The following MAP4K4 variants were observed in gnomAD, a reference collection of about 807,000 sequenced individuals.
The protein encoded by MAP4K4 is mitogen-activated protein kinase kinase kinase kinase 4.
Under a neutral mutation model 189.6 loss-of-function variants are expected in MAP4K4, and 38 were observed. That is an observed-to-expected ratio of 0.20 (90% CI 0.15 to 0.26). The LOEUF (loss-of-function observed/expected upper bound fraction) is 0.26. Among genes scored for constraint, MAP4K4 ranks in the 10% least tolerant of loss-of-function variants. MAP4K4 has a pLI of 1.00. For missense variants in MAP4K4, 1,054 were observed against 1,726.9 expected (o/e 0.61, Z 6.91); for synonymous variants, 610 against 624.3 (o/e 0.98, Z 0.34).
At chr2:101,758,981 A>C (rs996200571) in intron 2 of MAP4K4, among the ~76,000 whole-genome samples, 8 of 151,552 alleles carry the variant, frequency 5.3e-5, no homozygotes, top group African/African-American at 1.9e-4. Context: ...AAAATACAAA[A>C]AATTAGCCGG....
At chr2:101,830,518 T>C (rs1193984446) in intron 6 of MAP4K4, among the ~76,000 whole-genome samples, 2 of 152,260 alleles carry the variant, frequency 1.3e-5, no homozygotes, top group African/African-American at 4.8e-5. Context: ...TATATGGGTC[T>C]GGTCAACCTT....
intron 2 of MAP4K4, among the ~76,000 whole-genome samples, chr2:101,788,337 A>G (rs1425766278): frequency 6.6e-6 from 1 of 151,886 alleles, no homozygotes; most frequent in African/African-American, 2.4e-5. Context: ...GGCCTTATAG[A>G]CTCTCTGCAC....
At chr2:101,787,672 G>A (rs1302224303) in intron 2 of MAP4K4, among the ~76,000 whole-genome samples, 3 of 152,164 alleles carry the variant, frequency 2.0e-5, no homozygotes, top group African/African-American at 7.2e-5. Flanking sequence ...TTAACATTCA[G>A]TACAAGTACA....
intron 31 of MAP4K4, 36 bp from the exon 32 acceptor site, chr2:101,888,760 A>G: frequency 2.0e-6 from 3 of 1,519,502 alleles, no homozygotes; most frequent in Non-Finnish European, 1.8e-6. Context: ...CTGTTTCCTC[A>G]TCTTTAACGG....
chr2:101,705,537 T>A (rs1248435544), intron 2 of MAP4K4, among the ~76,000 whole-genome samples: 1 of 152,184 alleles, frequency 6.6e-6, no homozygotes, highest in Non-Finnish European at 1.5e-5. Context: ...AAAAGTGAAA[T>A]GAAAAGGTAG....
intron 2 of MAP4K4, among the ~76,000 whole-genome samples, chr2:101,709,362 C>A (rs116622311): frequency 6.6e-6 from 1 of 152,282 alleles, no homozygotes; most frequent in Non-Finnish European, 1.5e-5. Context: ...GCTACCACGC[C>A]CAGCTAATTT....
chr2:101,819,420 A>G (rs1017594944), intron 3 of MAP4K4, among the ~76,000 whole-genome samples: 2 of 152,228 alleles, frequency 1.3e-5, no homozygotes, highest in African/African-American at 4.8e-5. Flanking sequence ...CTGTATTTCT[A>G]GTGTTTTTTC....
intron 2 of MAP4K4, among the ~76,000 whole-genome samples, chr2:101,708,759 A>G (rs2043794903): frequency 6.6e-6 from 1 of 152,182 alleles, no homozygotes; most frequent in Non-Finnish European, 1.5e-5. Context: ...CCTCGTAGTG[A>G]TTTACAGTTA....
intron 3 of MAP4K4, among the ~76,000 whole-genome samples, chr2:101,798,146 C>G (rs974561905): frequency 2.0e-5 from 3 of 151,442 alleles, no homozygotes; most frequent in Non-Finnish European, 4.4e-5. Flanking sequence ...CTCCTGGGCC[C>G]AAGCAATCCT....
intron 11 of MAP4K4, among the ~76,000 whole-genome samples, 198 bp from the exon 12 acceptor site, chr2:101,843,903 T>C (rs1435050605): frequency 3.3e-5 from 5 of 152,214 alleles, no homozygotes; most frequent in African/African-American, 7.2e-5. Flanking sequence ...TTTAAGATAT[T>C]TACTAAATAA....
intron 3 of MAP4K4, among the ~76,000 whole-genome samples, chr2:101,809,431 G>A (rs1269125337): frequency 2.0e-5 from 3 of 151,658 alleles, no homozygotes; most frequent in Non-Finnish European, 4.4e-5. Flanking sequence ...TGGTTTAATC[G>A]ATATATTTTC....
chr2:101,793,572 T>G (rs1397167115), intron 3 of MAP4K4, among the ~76,000 whole-genome samples: 2 of 150,998 alleles, frequency 1.3e-5, no homozygotes, highest in East Asian at 3.9e-4. Context: ...TTCATGGTTT[T>G]TTTTTTTTTT....
intron 2 of MAP4K4, among the ~76,000 whole-genome samples, chr2:101,756,904 A>G (rs1393888505): frequency 6.6e-6 from 1 of 151,980 alleles, no homozygotes; most frequent in Non-Finnish European, 1.5e-5. Flanking sequence ...GACCTCCATC[A>G]CTTATAAATA....
At chr2:101,857,480 A>C (rs1287996435) in intron 13 of MAP4K4, among the ~76,000 whole-genome samples, 1 of 152,212 alleles carries the variant, frequency 6.6e-6, no homozygotes, top group Non-Finnish European at 1.5e-5. Context: ...AAATGAGTGT[A>C]CTGACTTGAT....
intron 2 of MAP4K4, among the ~76,000 whole-genome samples, chr2:101,777,468 T>C (rs2084861000): frequency 6.6e-6 from 1 of 152,182 alleles, no homozygotes; most frequent in South Asian, 2.1e-4. Flanking sequence ...TGGTTTTCTG[T>C]GTAGATTAAT....
intron 16 of MAP4K4, among the ~76,000 whole-genome samples, chr2:101,862,758 C>G (rs2097704911): frequency 6.6e-6 from 1 of 152,138 alleles, no homozygotes; most frequent in African/African-American, 2.4e-5. Flanking sequence ...TGCTTTATCT[C>G]TGAAAATCTT....
chr2:101,793,939 A>G (rs1049641200), intron 3 of MAP4K4, among the ~76,000 whole-genome samples: 1 of 152,162 alleles, frequency 6.6e-6, no homozygotes, highest in African/African-American at 2.4e-5. Flanking sequence ...GTGACAAGGG[A>G]CTATGGAGGA....
intron 6 of MAP4K4, among the ~76,000 whole-genome samples, chr2:101,830,196 G>GAC (rs1165088348): frequency 4.0e-4 from 61 of 152,116 alleles, no homozygotes; most frequent in Admixed American, 3.5e-3. Flanking sequence ...ATAGTTATGT[G>GAC]ATTGTTTTTT....
chr2:101,843,612 A>G (rs945387591), intron 11 of MAP4K4, among the ~76,000 whole-genome samples: 3 of 152,128 alleles, frequency 2.0e-5, no homozygotes, highest in Non-Finnish European at 2.9e-5. Flanking sequence ...TGATCTGTGT[A>G]GTGGCTAATT....
Sources: allele counts gnomAD v4.1 joint callset (sites outside exome capture counted in the v4.1 genomes callset), GRCh38; gene constraint gnomAD v4.1.1; transcripts MANE v1.5; gene names NCBI Gene and HGNC (gene_info 2026-07-23, HGNC 2026-07-21).